Variants in PDE4D observed in about 807,000 individuals in gnomAD.
PDE4D encodes the protein 3',5'-cyclic-AMP phosphodiesterase 4D.
PDE4D carries 24 observed loss-of-function variants against 87.4 expected under a neutral mutation model. The observed-to-expected ratio is 0.27, with a 90% CI of 0.20 to 0.39. The LOEUF (loss-of-function observed/expected upper bound fraction) is 0.39, where lower values mean the gene tolerates loss of function less well. Ranked by LOEUF, PDE4D falls within the 10% of genes least tolerant of loss-of-function variation. The pLI is 1.00. For missense variants in PDE4D, 714 were observed against 1,041.0 expected (o/e 0.69, Z 4.32); for synonymous variants, 384 against 383.2 (o/e 1.00, Z -0.02).
intron 1 of PDE4D, among the ~76,000 whole-genome samples, chr5:60,434,331 G>T (rs979760704): frequency 1.7e-4 from 26 of 152,146 alleles, no homozygotes; most frequent in Non-Finnish European, 1.2e-4. Flanking sequence ...TTTCATAAGT[G>T]ATGGGGATTG....
At chr5:59,102,765 A>C (rs1010994295) in intron 5 of PDE4D, among the ~76,000 whole-genome samples, 1 of 152,132 alleles carries the variant, frequency 6.6e-6, no homozygotes, top group African/African-American at 2.4e-5. Flanking sequence ...ACTGAATCAG[A>C]ATTTGTGGGG....
At chr5:59,540,732 G>A (rs1362895269) in intron 1 of PDE4D, among the ~76,000 whole-genome samples, 3 of 152,162 alleles carry the variant, frequency 2.0e-5, no homozygotes, top group Non-Finnish European at 2.9e-5. Flanking sequence ...ACCATTTATA[G>A]TCTTAACTTA....
chr5:59,756,360 T>C (rs1424423199), intron 1 of PDE4D, among the ~76,000 whole-genome samples: 1 of 152,132 alleles, frequency 6.6e-6, no homozygotes, highest in Non-Finnish European at 1.5e-5. Context: ...TTTTCAGAAA[T>C]ATAACAGGCA....
chr5:59,208,638 T>C (rs1749376073), intron 2 of PDE4D, among the ~76,000 whole-genome samples: 1 of 152,224 alleles, frequency 6.6e-6, no homozygotes, highest in Admixed American at 6.5e-5. Flanking sequence ...TTTTTGAAAG[T>C]ATGAGATTAG....
intron 2 of PDE4D, among the ~76,000 whole-genome samples, chr5:60,098,823 G>C (rs922123313): frequency 2.0e-5 from 3 of 152,008 alleles, no homozygotes; most frequent in African/African-American, 7.2e-5. Flanking sequence ...GAAGTGGTGA[G>C]AGTGAACTCC....
At chr5:60,215,710 C>G (rs1743781527) in intron 1 of PDE4D, among the ~76,000 whole-genome samples, 1 of 152,060 alleles carries the variant, frequency 6.6e-6, no homozygotes, top group African/African-American at 2.4e-5. Flanking sequence ...AATGTTGGGG[C>G]CCTATCCCAG....
chr5:60,331,581 C>G (rs1197717107), intron 1 of PDE4D, among the ~76,000 whole-genome samples: 1 of 152,180 alleles, frequency 6.6e-6, no homozygotes, highest in Non-Finnish European at 1.5e-5. Flanking sequence ...TTTTGGACTA[C>G]CCTGGCAGGA....
chr5:60,149,577 T>C (rs1485896049), intron 2 of PDE4D, among the ~76,000 whole-genome samples: 1 of 152,108 alleles, frequency 6.6e-6, no homozygotes, highest in Non-Finnish European at 1.5e-5. Flanking sequence ...GTTATTATCT[T>C]TCTTTTCCAC....
chr5:60,250,242 T>G (rs1748273350), intron 1 of PDE4D, among the ~76,000 whole-genome samples: 1 of 151,948 alleles, frequency 6.6e-6, no homozygotes, highest in African/African-American at 2.4e-5. Context: ...TATTGAAGGT[T>G]TTTTTTAATA....
At chr5:60,030,581 G>A (rs1227923390) in intron 2 of PDE4D, among the ~76,000 whole-genome samples, 14 of 152,286 alleles carry the variant, frequency 9.2e-5, no homozygotes, top group East Asian at 5.8e-4. Context: ...TCTAAAACTC[G>A]TCACATTCTG....
rs140494488 is a variant in PDE4D at position 59,020,838 on chromosome 5, G to A, written c.921+18021C>T. On this transcript the variant is annotated intron_variant, in intron 6 of 14. Coordinates refer to ENST00000340635, the MANE Select transcript of PDE4D (RefSeq NM_001104631.2). ...CTACTAGGGAATTCCTTCTCTTACC[G>A]GCTGTGGCTAGCGTCAGACTCATGA... Among the ~76,000 whole-genome samples, 153 of 152,126 alleles carry A rather than the reference G, an allele frequency of 1.0e-3. 2 individuals are homozygous for A. Among genetic ancestry groups the A allele is most frequent in the African/African-American group, 3.3e-3 (137 of 41,470 alleles).
intron 3 of PDE4D, among the ~76,000 whole-genome samples, chr5:59,964,136 T>C (rs1038620227): frequency 6.6e-6 from 1 of 152,176 alleles, no homozygotes; most frequent in African/African-American, 2.4e-5. Flanking sequence ...AAGGCCAATG[T>C]AATGGGCCTA....
At chr5:60,249,795 C>A (rs1748218726) in intron 1 of PDE4D, among the ~76,000 whole-genome samples, 1 of 151,890 alleles carries the variant, frequency 6.6e-6, no homozygotes, top group African/African-American at 2.4e-5. Flanking sequence ...CCTTGTCACT[C>A]CTCTATTTTA....
intron 1 of PDE4D, among the ~76,000 whole-genome samples, chr5:59,458,507 T>G (rs936230095): frequency 2.0e-5 from 3 of 152,212 alleles, no homozygotes; most frequent in Admixed American, 2.0e-4. Context: ...CTTGCCTGCT[T>G]TCTGAATCTG....
chr5:59,661,776 T>A (rs1006671105), intron 1 of PDE4D, among the ~76,000 whole-genome samples: 2 of 152,294 alleles, frequency 1.3e-5, no homozygotes, highest in East Asian at 3.9e-4. Flanking sequence ...ATAAACTAAG[T>A]GTAGTTCATT....
At chr5:59,166,080 T>G (rs929530403) in intron 5 of PDE4D, among the ~76,000 whole-genome samples, 2 of 152,138 alleles carry the variant, frequency 1.3e-5, no homozygotes, top group Admixed American at 6.5e-5. Context: ...ATTCTTCCAC[T>G]AAGAATTTTG....
Position 60,425,075 on chromosome 5 carries a change from G to A in PDE4D, c.-90+62867C>T, listed in dbSNP as rs553049504. On this transcript the variant is annotated intron_variant, in intron 1 of 16. Transcript: ENST00000502484. ...AAGAACGTTCCATGCTTATGGATGG[G>A]AAGAATCAATATTGTGAAAACGGCC... Among the ~76,000 whole-genome samples, 62 of 152,248 alleles carry A rather than the reference G, an allele frequency of 4.1e-4. 1 individual carries two copies. The highest frequency in any genetic ancestry group is 1.5e-3 in the African/African-American group (61 of 41,544).
At chr5:59,948,986 AAAGT>A (rs1267349947) in intron 3 of PDE4D, among the ~76,000 whole-genome samples, 1 of 152,222 alleles carries the variant, frequency 6.6e-6, no homozygotes, top group African/African-American at 2.4e-5. Flanking sequence ...AAACTGAAGC[AAAGT>A]AAGTTTAAGT....
At chr5:60,074,279 T>G (rs1437157909) in intron 2 of PDE4D, among the ~76,000 whole-genome samples, 1 of 152,232 alleles carries the variant, frequency 6.6e-6, no homozygotes, top group East Asian at 1.9e-4. Flanking sequence ...AATTTCATTA[T>G]TTACCTAAAA....
Sources: allele counts gnomAD v4.1 joint callset (sites outside exome capture counted in the v4.1 genomes callset), GRCh38; gene constraint gnomAD v4.1.1; transcripts MANE v1.5; gene names NCBI Gene and HGNC (gene_info 2026-07-23, HGNC 2026-07-21).